ZNF804A: variants seen among roughly 807,000 people sequenced by gnomAD.
ZNF804A encodes the protein zinc finger protein 804A.
Under a neutral mutation model 16.5 loss-of-function variants are expected in ZNF804A, and 2 were observed. The ratio of observed to expected loss-of-function variants is 0.12; its 90% CI spans 0.05 to 0.38. The LOEUF is 0.38. ZNF804A is among the 10% of genes least tolerant of loss of function. The pLI is 0.99. For missense variants in ZNF804A, 1,473 were observed against 1,390.7 expected (o/e 1.06, Z -0.94); for synonymous variants, 534 against 489.6 (o/e 1.09, Z -1.20).
chr2:184,857,056 ATAT>A (rs1490215019), intron 1 of ZNF804A, among the ~76,000 whole-genome samples: 2 of 151,866 alleles, frequency 1.3e-5, no homozygotes, highest in Non-Finnish European at 2.9e-5. Flanking sequence ...GGGAAGTGTA[ATAT>A]TATGTTGTTT....
intron 1 of ZNF804A, among the ~76,000 whole-genome samples, chr2:184,656,694 A>G (rs1012051256): frequency 6.6e-5 from 10 of 151,958 alleles, no homozygotes; most frequent in African/African-American, 2.4e-4. Flanking sequence ...ATATATACAC[A>G]CACACCCATA....
chr2:184,645,745 C>T (rs1213929552), intron 1 of ZNF804A, among the ~76,000 whole-genome samples: 1 of 152,134 alleles, frequency 6.6e-6, no homozygotes, highest in Non-Finnish European at 1.5e-5. Context: ...CAAGATAGTA[C>T]ATAAAGATCA....
At chr2:184,919,061 T>C (rs1022519554) in intron 2 of ZNF804A, among the ~76,000 whole-genome samples, 4 of 152,070 alleles carry the variant, frequency 2.6e-5, no homozygotes, top group African/African-American at 7.2e-5. Flanking sequence ...CCTGGGCCCA[T>C]TGCTATTCTT....
At chr2:184,915,007 A>G (rs951549020) in intron 2 of ZNF804A, among the ~76,000 whole-genome samples, 1 of 151,812 alleles carries the variant, frequency 6.6e-6, no homozygotes, top group Admixed American at 6.6e-5. Flanking sequence ...ATATAATTGG[A>G]GTAGTCATGC....
At chr2:184,737,157 C>T (rs1232532093) in intron 1 of ZNF804A, among the ~76,000 whole-genome samples, 1 of 151,288 alleles carries the variant, frequency 6.6e-6, no homozygotes, top group Non-Finnish European at 1.5e-5. Flanking sequence ...CCTGGGTTCA[C>T]GCCATTCTTC....
intron 1 of ZNF804A, among the ~76,000 whole-genome samples, chr2:184,686,467 C>T (rs568106535): frequency 1.8e-4 from 27 of 152,310 alleles, no homozygotes; most frequent in Non-Finnish European, 2.9e-4. Flanking sequence ...AGGTTGATTC[C>T]ATGTCTGTGG....
chr2:184,706,375 G>T (rs1003457536), intron 1 of ZNF804A, among the ~76,000 whole-genome samples: 1 of 152,106 alleles, frequency 6.6e-6, no homozygotes, highest in Non-Finnish European at 1.5e-5. Flanking sequence ...AGTAATTTTT[G>T]GGAACTCCTC....
intron 1 of ZNF804A, among the ~76,000 whole-genome samples, chr2:184,691,215 G>C (rs1052330621): frequency 2.0e-5 from 3 of 151,842 alleles, no homozygotes; most frequent in Admixed American, 6.6e-5. Context: ...TGTCAGAGAA[G>C]AAAATAGAAT....
At chr2:184,801,588 C>T (rs2105782910) in intron 1 of ZNF804A, among the ~76,000 whole-genome samples, 1 of 152,266 alleles carries the variant, frequency 6.6e-6, no homozygotes, top group East Asian at 1.9e-4. Context: ...GATGATCTCT[C>T]CAAAGACATT....
chr2:184,927,233 G>T (rs547568018), intron 2 of ZNF804A, among the ~76,000 whole-genome samples: 1 of 152,328 alleles, frequency 6.6e-6, no homozygotes, highest in South Asian at 2.1e-4. Flanking sequence ...TAGTTCTGTG[G>T]CTCTTGTAGA....
chr2:184,754,746 C>G (rs1182733808), intron 1 of ZNF804A, among the ~76,000 whole-genome samples: 1 of 151,500 alleles, frequency 6.6e-6, no homozygotes, highest in Non-Finnish European at 1.5e-5. Flanking sequence ...AGCTTCTTGG[C>G]TTGAAAAATT....
intron 1 of ZNF804A, among the ~76,000 whole-genome samples, chr2:184,616,277 A>G (rs776714726): frequency 8.5e-5 from 13 of 152,220 alleles, no homozygotes; most frequent in Non-Finnish European, 1.3e-4. Context: ...TGAGTCAGTT[A>G]TTTAACCTCT....
chr2:184,837,518 A>G (rs1695370482), intron 1 of ZNF804A, among the ~76,000 whole-genome samples: 1 of 152,148 alleles, frequency 6.6e-6, no homozygotes, highest in African/African-American at 2.4e-5. Context: ...GAAAAATTAA[A>G]ATCACTTATG....
At chr2:184,638,748 AG>A (rs199978655) in intron 1 of ZNF804A, among the ~76,000 whole-genome samples, 1 of 152,138 alleles carries the variant, frequency 6.6e-6, no homozygotes, top group African/African-American at 2.4e-5. Flanking sequence ...GTGAGAAAAA[AG>A]AATGCATGTT....
At chr2:184,689,129 G>T (rs1692689692) in intron 1 of ZNF804A, among the ~76,000 whole-genome samples, 1 of 152,096 alleles carries the variant, frequency 6.6e-6, no homozygotes, top group Admixed American at 6.5e-5. Flanking sequence ...ATTCCATCAA[G>T]CTTTGAATCG....
chr2:184,676,714 G>A (rs1692441969), intron 1 of ZNF804A, among the ~76,000 whole-genome samples: 1 of 151,616 alleles, frequency 6.6e-6, no homozygotes, highest in South Asian at 2.1e-4. Context: ...ATTTTAATAT[G>A]ACCATAGTTT....
rs756323988 is a variant in ZNF804A at position 184,599,058 on chromosome 2, G to C, written c.99G>C (p.Gly33=). ...TCCGGGGCCCTCTCAGCAAGAACGG[G>C]AACAAAACTCTGGTAATCGCTTCTG... is the stretch of plus-strand genomic sequence containing the variant. ...GVFRGPLSKN[G]NKTLDYAEKE... is the part of the protein sequence containing the mutation. Residue 33 remains glycine, a synonymous_variant, in exon 1 of 4, where the codon GGG becomes GGC. Transcript: ENST00000302277. 2.5e-6 allele frequency: 4 copies of C among 1,612,116 alleles called. No homozygotes were observed. The Admixed American group carries it at 6.7e-5, about 27-fold the overall frequency.
chr2:184,810,828 A>G (rs1171481003), intron 1 of ZNF804A, among the ~76,000 whole-genome samples: 2 of 152,136 alleles, frequency 1.3e-5, no homozygotes, highest in Non-Finnish European at 2.9e-5. Flanking sequence ...CAAATACACT[A>G]AAAACCATTC....
chr2:184,746,378 A>T (rs1049611262), intron 1 of ZNF804A, among the ~76,000 whole-genome samples: 1 of 151,386 alleles, frequency 6.6e-6, no homozygotes, highest in African/African-American at 2.4e-5. Flanking sequence ...ATTCGCTACC[A>T]CTATGAGATC....
Sources: gnomAD v4.1 joint callset for allele counts (sites outside exome capture counted in the v4.1 genomes callset) on GRCh38, gnomAD v4.1.1 for gene constraint, MANE v1.5 for transcripts, NCBI Gene and HGNC (gene_info 2026-07-23, HGNC 2026-07-21) for gene names.